Variants in PRKG1 observed in about 807,000 individuals in gnomAD.
PRKG1 encodes the protein cGMP-dependent protein kinase 1.
A neutral mutation model predicts 88.1 loss-of-function variants in PRKG1; 35 were observed. That is an observed-to-expected ratio of 0.40 (90% CI 0.30 to 0.53). The LOEUF (loss-of-function observed/expected upper bound fraction) is 0.53. Ranked by LOEUF, PRKG1 falls within the 20% of genes least tolerant of loss-of-function variation. The pLI is 0.59. For synonymous variants in PRKG1, 303 were observed against 292.5 expected, an observed-to-expected ratio of 1.04 and a Z score of -0.37; for missense variants, 540 against 839.8, an observed-to-expected ratio of 0.64 and a Z score of 4.41.
intron 5 of PRKG1, among the ~76,000 whole-genome samples, chr10:52,026,025 C>A (rs1344569706): frequency 6.6e-6 from 1 of 151,994 alleles, no homozygotes; most frequent in Non-Finnish European, 1.5e-5. Flanking sequence ...ACATCTACAA[C>A]CATCTGATCT....
intron 3 of PRKG1, among the ~76,000 whole-genome samples, chr10:51,560,113 A>G (rs1415811510): frequency 1.3e-5 from 2 of 152,102 alleles, no homozygotes; most frequent in Non-Finnish European, 2.9e-5. Context: ...AGCCTTCCAT[A>G]TTATGTTCAA....
chr10:51,822,192 T>C (rs777921190), intron 4 of PRKG1, among the ~76,000 whole-genome samples: 2 of 151,972 alleles, frequency 1.3e-5, no homozygotes, highest in Non-Finnish European at 2.9e-5. Flanking sequence ...GTGTATATGG[T>C]GTGTGTATTT....
chr10:51,553,911 ACG>A (rs1837215461), intron 3 of PRKG1, among the ~76,000 whole-genome samples: 1 of 131,656 alleles, frequency 7.6e-6, no homozygotes, highest in South Asian at 2.4e-4. Context: ...TGTATTAGAT[ACG>A]TGTATATAAT....
At chr10:51,865,971 T>C (rs1021386655) in intron 4 of PRKG1, among the ~76,000 whole-genome samples, 2 of 152,056 alleles carry the variant, frequency 1.3e-5, no homozygotes, top group Non-Finnish European at 2.9e-5. Context: ...GAAATGTGTA[T>C]ATTATTTCAT....
chr10:51,066,901 A>C (rs1843757335), intron 1 of PRKG1, among the ~76,000 whole-genome samples: 1 of 152,042 alleles, frequency 6.6e-6, no homozygotes, highest in Non-Finnish European at 1.5e-5. Context: ...GAAGCCCTGC[A>C]TTAGAGTCGC....
intron 2 of PRKG1, among the ~76,000 whole-genome samples, chr10:51,295,822 G>A (rs536935674): frequency 6.6e-6 from 1 of 152,130 alleles, no homozygotes; most frequent in Non-Finnish European, 1.5e-5. Context: ...TTCATGTATG[G>A]CCTGTATTGT....
chr10:51,692,234 TAA>T (rs397978149), intron 3 of PRKG1, among the ~76,000 whole-genome samples: 2,456 of 148,452 alleles, frequency 0.017, 67 homozygotes, highest in African/African-American at 0.057. Flanking sequence ...TTGGCCTTTT[TAA>T]AAAAAAAAAA....
intron 4 of PRKG1, among the ~76,000 whole-genome samples, chr10:51,836,315 A>T (rs989657518): frequency 6.6e-6 from 1 of 152,190 alleles, no homozygotes; most frequent in Non-Finnish European, 1.5e-5. Context: ...TGGGAAAACC[A>T]TTAATAGATA....
At chr10:51,212,521 G>A (rs895797831) in intron 2 of PRKG1, among the ~76,000 whole-genome samples, 1 of 152,118 alleles carries the variant, frequency 6.6e-6, no homozygotes. Context: ...CCATCAGAGT[G>A]AACAGGCAAC....
chr10:51,295,689 C>T (rs1282172134), intron 2 of PRKG1, among the ~76,000 whole-genome samples: 1 of 150,258 alleles, frequency 6.7e-6, no homozygotes, highest in South Asian at 2.1e-4. Flanking sequence ...TCTAATTGTT[C>T]TGGCTAGGAC....
intron 1 of PRKG1, among the ~76,000 whole-genome samples, chr10:51,043,733 C>G (rs1299638192): frequency 2.6e-5 from 4 of 152,104 alleles, no homozygotes; most frequent in Non-Finnish European, 5.9e-5. Context: ...TCCCATAGCA[C>G]AGTACATGGA....
intron 5 of PRKG1, among the ~76,000 whole-genome samples, chr10:51,979,092 G>A (rs1036738018): frequency 5.3e-5 from 8 of 151,998 alleles, no homozygotes; most frequent in African/African-American, 1.2e-4. Context: ...TGTTGTCTGC[G>A]GGATTGTCAT....
rs545395346 is a variant in PRKG1 at position 52,039,962 on chromosome 10, G to T, written c.763-14522G>T. On this transcript the variant is annotated intron_variant, in intron 5 of 17. Coordinates refer to ENST00000373980, the MANE Select transcript of PRKG1 (RefSeq NM_006258.4). ...TCAGCTCTGAACAAGACTACTCTCA[G>T]ACAAGCCTAGACAGAAACAAAAAAT... Among the ~76,000 whole-genome samples the T allele has an allele frequency of 3.3e-5, 5 of 152,226 alleles. 1 individual carries two copies. The South Asian group carries it at 6.2e-4, about 19-fold the overall frequency.
intron 3 of PRKG1, among the ~76,000 whole-genome samples, chr10:51,486,097 T>A (rs893320110): frequency 2.0e-5 from 3 of 152,122 alleles, no homozygotes; most frequent in Admixed American, 6.6e-5. Flanking sequence ...TAAAATACAT[T>A]ATTATTATTA....
At chr10:52,240,003 A>G (rs147760835) in intron 9 of PRKG1, among the ~76,000 whole-genome samples, 82 of 152,170 alleles carry the variant, frequency 5.4e-4, no homozygotes, top group African/African-American at 1.9e-3. Context: ...CTGTGCAGAA[A>G]CCTTAGCAAT....
rs538265716 is a variant in PRKG1 at position 52,293,430 on chromosome 10, C to A, written c.1963-372C>A. 2.6e-5 allele frequency among the ~76,000 whole-genome samples: 4 copies of A among 151,900 alleles called. No individual in the cohort carries two copies. In the East Asian group the frequency reaches 5.8e-4, roughly 22 times the overall value. On this transcript the variant is annotated intron_variant, in intron 17 of 17. Transcript: ENST00000373980. ...AAACTACTTTAAAGTTCATATGGAA[C>A]CAAAAAAGAGCCTGCATCGCCAAGT...
intron 2 of PRKG1, among the ~76,000 whole-genome samples, chr10:51,442,886 T>C (rs1275913937): frequency 6.6e-6 from 1 of 151,974 alleles, no homozygotes; most frequent in Non-Finnish European, 1.5e-5. Flanking sequence ...GATTCGGGTG[T>C]TTCTTGTGTG....
At chr10:51,398,533 G>A (rs1414212286) in intron 2 of PRKG1, among the ~76,000 whole-genome samples, 3 of 152,182 alleles carry the variant, frequency 2.0e-5, no homozygotes, top group African/African-American at 7.2e-5. Context: ...CAGACAGTGG[G>A]CTAAAGAGTG....
chr10:51,430,136 C>T (rs1347322675), intron 2 of PRKG1, among the ~76,000 whole-genome samples: 1 of 145,156 alleles, frequency 6.9e-6, no homozygotes, highest in African/African-American at 2.5e-5. Flanking sequence ...AAAAAAAAAG[C>T]CAGGCGTGGT....
Sources: gnomAD v4.1 joint callset for allele counts (sites outside exome capture counted in the v4.1 genomes callset) on GRCh38, gnomAD v4.1.1 for gene constraint, MANE v1.5 for transcripts, NCBI Gene and HGNC (gene_info 2026-07-23, HGNC 2026-07-21) for gene names.